Variants in PLEKHA4 observed in about 807,000 individuals in gnomAD.
PLEKHA4 encodes the protein pleckstrin homology domain-containing family A member 4.
Under a neutral mutation model 94.7 loss-of-function variants are expected in PLEKHA4, and 73 were observed. The ratio of observed to expected loss-of-function variants is 0.77; its 90% CI spans 0.64 to 0.94. The LOEUF is 0.94. PLEKHA4 is among the 40% of genes least tolerant of loss of function. The probability of loss-of-function intolerance (pLI) is 0.00; values close to 1 mark genes in which losing one functional copy is unlikely to be tolerated. For synonymous variants in PLEKHA4, 449 were observed against 437.1 expected, an observed-to-expected ratio of 1.03 and a Z score of -0.34; for missense variants, 1,049 against 1,054.1, an observed-to-expected ratio of 1.00 and a Z score of 0.07.
At chr19:48,856,142 G>C (rs2036396779) in intron 9 of PLEKHA4, among the ~76,000 whole-genome samples, 1 of 149,422 alleles carries the variant, frequency 6.7e-6, no homozygotes, top group African/African-American at 2.5e-5. Flanking sequence ...TTGCACTCCA[G>C]CCTGGGCAAC....
Position 48,861,411 on chromosome 19 carries a change from A to G in PLEKHA4, c.356T>C (p.Phe119Ser). 1 of 1,613,418 alleles carries G rather than the reference A, an allele frequency of 6.2e-7. No homozygotes were observed. The highest frequency in any genetic ancestry group is 8.5e-7 in the Non-Finnish European group (1 of 1,179,900). ...GATGGATGGACTCACGGTGAAGGTGAAGCGCCGCCCTCGGGGGGCTCCCGG... is the reference window on the plus strand; with the variant it reads ...GATGGATGGACTCACGGTGAAGGTGGAGCGCCGCCCTCGGGGGGCTCCCGG... ...DGPGAPRGRR[F>S]TFTAEHPGMR... Residue 119 changes from phenylalanine (F) to serine (S), a missense_variant, in exon 5 of 20, where the codon TTC (phenylalanine) becomes TCC (serine). Physicochemically the swap from Phe to Ser is radical, Grantham distance 155. Coordinates refer to ENST00000263265, the MANE Select transcript of PLEKHA4 (RefSeq NM_020904.3).
intron 18 of PLEKHA4, 178 bp from the exon 19 acceptor site, chr19:48,838,307 G>A (rs1244805016): frequency 4.2e-6 from 2 of 474,080 alleles, no homozygotes; most frequent in African/African-American, 2.0e-5. Flanking sequence ...GGTGTAACTA[G>A]ATTGTTTATA....
chr19:48,859,746 G>C (rs1019624630), intron 6 of PLEKHA4, 62 bp from the exon 7 acceptor site: 23 of 1,459,758 alleles, frequency 1.6e-5, no homozygotes, highest in Admixed American at 3.8e-5. Flanking sequence ...CTATTCTCTT[G>C]TCACAGGTGA....
At chr19:48,849,830 G>C (rs1345489321) in intron 13 of PLEKHA4, among the ~76,000 whole-genome samples, 2 of 152,194 alleles carry the variant, frequency 1.3e-5, no homozygotes. Context: ...CTGAGGGTTG[G>C]AGTTTTGCTG....
intron 6 of PLEKHA4, chr19:48,859,999 A>T (rs914736071): frequency 5.9e-5 from 33 of 559,522 alleles, no homozygotes; most frequent in African/African-American, 2.1e-4. Context: ...ACATTTTTTT[A>T]AAATCTGATA....
At position 48,837,533 on chromosome 19, in the gene PLEKHA4, T is replaced by C. The variant is rs964531189; in HGVS notation, c.2096A>G (p.Gln699Arg). 6 of 1,613,520 alleles carry C rather than the reference T, an allele frequency of 3.7e-6. No individual in the cohort carries two copies. Among genetic ancestry groups the C allele is most frequent in the Non-Finnish European group, 5.1e-6 (6 of 1,179,794 alleles). ...RMMTGGNLDS[Q>R]GDPLPGVPLP... ...CGGCACACCGGGAAGAGGGTCTCCCTGGGAGTCCAAATTTCCACCTGGAGA... is the reference window on the plus strand; with the variant it reads ...CGGCACACCGGGAAGAGGGTCTCCCCGGGAGTCCAAATTTCCACCTGGAGA... The change falls in exon 20 of 20, where the codon CAG becomes CGG. Residue 699 changes from glutamine (Q) to arginine (R), a missense_variant. Transcript: ENST00000263265. This position sits in a 1 kb window ranked among gnomAD's most constrained non-coding sequence, Gnocchi z 4.3.
chr19:48,845,085 C>T (rs1309000283), intron 16 of PLEKHA4: 1 of 290,776 alleles, frequency 3.4e-6, no homozygotes, highest in Non-Finnish European at 6.6e-6. Flanking sequence ...CGCGCCTGGC[C>T]TCATTCATCT....
At chr19:48,858,560 G>A (rs1285637042) in intron 8 of PLEKHA4, among the ~76,000 whole-genome samples, 1 of 149,044 alleles carries the variant, frequency 6.7e-6, no homozygotes, top group Admixed American at 6.7e-5. Flanking sequence ...CCGGGAGACA[G>A]AGGTTGTAGT....
At chr19:48,864,459 T>C (rs1305105588) in intron 3 of PLEKHA4, among the ~76,000 whole-genome samples, 2 of 152,090 alleles carry the variant, frequency 1.3e-5, no homozygotes, top group African/African-American at 4.8e-5. Flanking sequence ...TGACCCACTA[T>C]GCTCAGCCAG....
chr19:48,846,908 G>A (rs936169988), intron 14 of PLEKHA4, among the ~76,000 whole-genome samples: 1 of 152,104 alleles, frequency 6.6e-6, no homozygotes, highest in South Asian at 2.1e-4. Context: ...ACACAGTCTC[G>A]CTCTTTCAGC....
In PLEKHA4 at chr19:48,859,636, G is replaced by C. The variant is rs1383745507; in HGVS notation, c.525C>G (p.Gly175=). 7 of 1,612,510 alleles carry C rather than the reference G, an allele frequency of 4.3e-6. No individual in the cohort carries two copies. In the African/African-American group the frequency reaches 6.7e-5, roughly 15 times the overall value. The change falls in exon 7 of 20, where the codon GGC becomes GGG. Residue 175 remains glycine (G), a synonymous_variant. Transcript: ENST00000263265. ...TCACCTCCGGGGGACCACCGGGGCC[G>C]CCGGGGCCCTCCCCGGGCTGGGGTC... The part of the protein sequence containing the change: ...PARPQPGEGP[G]GPGGPPEVSR...
chr19:48,858,484 G>A (rs924627426), intron 8 of PLEKHA4, among the ~76,000 whole-genome samples: 3 of 151,814 alleles, frequency 2.0e-5, no homozygotes, highest in East Asian at 1.9e-4. Flanking sequence ...AAAATCAGCC[G>A]GACGTGGTGG....
In PLEKHA4 at chr19:48,857,423, A is replaced by G. The variant is rs1395098572; in HGVS notation, c.1046T>C (p.Leu349Ser). The G allele has an allele frequency of 1.3e-6, 2 of 1,520,844 alleles. No homozygotes were observed. The highest frequency in any genetic ancestry group is 2.2e-5 in the Admixed American group (1 of 45,472). The allele number at this position is 1,520,844 out of a possible 1,614,324, so 94.2% of individuals were successfully genotyped here. A position where few individuals can be genotyped will look rare whatever the true frequency, so the allele number is the denominator to read the frequency against. ...TTTAGGGTACTCCAGGATACCTACC[A>G]ATAAAACCATGGAGGCCCGGGTCCC... Reference protein sequence around the residue: ...PPGTRASMVLLPGPPLESTFH... With the variant: ...PPGTRASMVLSPGPPLESTFH... Residue 349 changes from leucine (L) to serine (S), a missense_variant and splice_region_variant, in exon 9 of 20, where the codon TTG (leucine) becomes TCG (serine). Coordinates refer to ENST00000263265, the MANE Select transcript of PLEKHA4 (RefSeq NM_020904.3).
chr19:48,841,430 C>T, intron 16 of PLEKHA4, 120 bp from the exon 17 acceptor site: 1 of 1,090,414 alleles, frequency 9.2e-7, no homozygotes, highest in South Asian at 1.8e-5. Flanking sequence ...AGTTGAAGAC[C>T]AGCCTGGCCA....
At position 48,853,738 on chromosome 19, in the gene PLEKHA4, G is replaced by A. The variant is rs766593638; in HGVS notation, c.1270C>T (p.Arg424Cys). The A allele has an allele frequency of 8.1e-6, 13 of 1,610,736 alleles. No individual in the cohort carries two copies. Among genetic ancestry groups the A allele is most frequent in the African/African-American group, 5.3e-5 (4 of 74,780 alleles). ...GAPGRAWGRQ[R>C]LLQDRLVSVR... ...CTGACCAGCCGGTCCTGCAAGAGGC[G>A]CTGGCGACCCCAGGCCCTCCCGGGA... The change falls in exon 12 of 20, where the codon CGC becomes TGC. Residue 424 changes from arginine to cysteine, a missense_variant. Transcript: ENST00000263265.
chr19:48,860,286 G>C, intron 6 of PLEKHA4, 64 bp downstream of exon 6: 2 of 1,382,590 alleles, frequency 1.4e-6, no homozygotes, highest in Middle Eastern at 1.8e-4. Flanking sequence ...CAAAGGGGAG[G>C]AGTTGGGATG....
At chr19:48,839,854 T>C (rs2035684407) in intron 17 of PLEKHA4, among the ~76,000 whole-genome samples, 1 of 151,850 alleles carries the variant, frequency 6.6e-6, no homozygotes, top group Non-Finnish European at 1.5e-5. Flanking sequence ...ATCCCAGCAC[T>C]TTGGGAGGCC....
chr19:48,837,560 G>A lies in PLEKHA4; in HGVS notation c.2078-9C>T. 1 of 1,613,154 alleles carries A rather than the reference G, an allele frequency of 6.2e-7. No homozygotes were observed. The highest frequency in any genetic ancestry group is 2.2e-5 in the East Asian group (1 of 44,850). On this transcript the variant is annotated splice_polypyrimidine_tract_variant and intron_variant, in intron 19 of 19. Transcript: ENST00000263265. This position sits in a 1 kb window ranked among gnomAD's most constrained non-coding sequence, Gnocchi z 4.3. The stretch of plus-strand genomic sequence containing the variant: ...GGAGTCCAAATTTCCACCTGGAGAG[G>A]ATGAGTGGGACATGAGAATGGCAAA...
chr19:48,856,222 A>AG (rs1183961519), intron 9 of PLEKHA4, among the ~76,000 whole-genome samples: 122 of 150,608 alleles, frequency 8.1e-4, no homozygotes, highest in Middle Eastern at 3.4e-3. Flanking sequence ...AAAGAGAGAG[A>AG]AAAAGGAAAG....
Sources: allele counts gnomAD v4.1 joint callset (sites outside exome capture counted in the v4.1 genomes callset), GRCh38; gene constraint gnomAD v4.1.1; non-coding constraint Gnocchi (gnomAD v3.1); transcripts MANE v1.5; gene names NCBI Gene and HGNC (gene_info 2026-07-23, HGNC 2026-07-21).